Variants in GET4 observed in about 807,000 individuals in gnomAD.
GET4 encodes the protein guided entry of tail-anchored proteins factor 4.
In GET4, 20 loss-of-function variants were observed where a neutral mutation model predicts 40.0. That is an observed-to-expected ratio of 0.50 (90% CI 0.35 to 0.73). GET4 has a LOEUF of 0.73. GET4 is among the 30% of genes least tolerant of loss of function. The probability of loss-of-function intolerance (pLI) is 0.01; values close to 1 mark genes in which losing one functional copy is unlikely to be tolerated. For synonymous variants in GET4, 280 were observed against 194.6 expected, an observed-to-expected ratio of 1.44 and a Z score of -3.65; for missense variants, 557 against 454.0, an observed-to-expected ratio of 1.23 and a Z score of -2.06.
chr7:895,919 A>C lies in GET4; in HGVS notation c.*497A>C, dbSNP rs993109958. ...AACACGGGGTCATTCTGCAGTCAGGACGAACCGGTCCCCGTCGCAGACGGA... is the reference window on the plus strand; with the variant it reads ...AACACGGGGTCATTCTGCAGTCAGGCCGAACCGGTCCCCGTCGCAGACGGA... On this transcript the variant is annotated 3_prime_UTR_variant, in exon 9 of 9. Transcript: ENST00000265857. 1.3e-5 allele frequency: 2 copies of C among 152,372 alleles called. No individual in the cohort carries two copies. Among genetic ancestry groups the C allele is most frequent in the Non-Finnish European group, 2.9e-5 (2 of 68,120 alleles). 9.4% of individuals were successfully genotyped at this position (152,372 alleles called of 1,614,324 possible).
intron 4 of GET4, among the ~76,000 whole-genome samples, chr7:888,896 C>T (rs1042089803): frequency 6.6e-6 from 1 of 152,236 alleles, no homozygotes; most frequent in East Asian, 1.9e-4. Flanking sequence ...CGGGAGCTGT[C>T]GTCTGTCTTT....
chr7:894,659 C>T (rs576534702), intron 8 of GET4, among the ~76,000 whole-genome samples: 17 of 152,342 alleles, frequency 1.1e-4, no homozygotes, highest in African/African-American at 3.6e-4. Flanking sequence ...GAAACCGCAG[C>T]CTGAGCTCCC....
At chr7:892,448 G>T (rs759504905) in intron 6 of GET4, 30 bp downstream of exon 6, 17 of 1,580,512 alleles carry the variant, frequency 1.1e-5, no homozygotes, top group Middle Eastern at 4.5e-4. Flanking sequence ...AGGGGGAGGG[G>T]GCTGTGAATG....
intron 1 of GET4, chr7:884,170 A>T: frequency 7.7e-7 from 1 of 1,294,806 alleles, no homozygotes; most frequent in Non-Finnish European, 1.0e-6. Context: ...TCGGCAAAGC[A>T]GAAGCTGGTG....
intron 4 of GET4, among the ~76,000 whole-genome samples, chr7:889,663 T>C (rs916329045): frequency 2.7e-5 from 4 of 146,104 alleles, no homozygotes; most frequent in Non-Finnish European, 4.6e-5. Context: ...TGTGAGCGGG[T>C]GTTAGGACGG....
At chr7:884,756 G>A (rs375355892) in intron 1 of GET4, 4 of 161,542 alleles carry the variant, frequency 2.5e-5, no homozygotes, top group African/African-American at 9.6e-5. Flanking sequence ...CGTTGCTGTG[G>A]CTCTTTATCA....
Position 888,524 on chromosome 7 carries a change from T to C in GET4, c.466+1005T>C, listed in dbSNP as rs142321870. Among the ~76,000 whole-genome samples, 654 of 152,290 alleles carry C rather than the reference T, an allele frequency of 4.3e-3. 2 individuals carry two copies. The highest frequency in any genetic ancestry group is 0.01 in the Middle Eastern group (3 of 294). On this transcript the variant is annotated intron_variant, in intron 4 of 8. Coordinates refer to ENST00000265857, the MANE Select transcript of GET4 (RefSeq NM_015949.3). ...GGGAAGTGAGCAAATCCAAGTAGAA[T>C]TAGGAGGCTCTCCTCAGAGGAGCCT...
At chr7:887,193 G>T in intron 3 of GET4, 177 bp from the exon 4 acceptor site, 1 of 774,972 alleles carries the variant, frequency 1.3e-6, no homozygotes. Flanking sequence ...TGGGGCACAT[G>T]GCGCTGGAAC....
rs554631577 is a variant in GET4, at chr7:891,310, C to T, written c.605+244C>T. On this transcript the variant is annotated intron_variant, in intron 5 of 8. Coordinates refer to ENST00000265857, the MANE Select transcript of GET4 (RefSeq NM_015949.3). The stretch of plus-strand genomic sequence containing the variant: ...ACTGGAGTGCCCTACACACGCCCCT[C>T]GCCTCTCGCCCACTGCCGGGAGGCC... 1.2e-4 allele frequency among the ~76,000 whole-genome samples: 19 copies of T among 152,354 alleles called. No individual in the cohort carries two copies. The South Asian group carries it at 1.4e-3, about 12-fold the overall frequency.
intron 5 of GET4, 29 bp downstream of exon 5, chr7:891,095 G>C: frequency 6.5e-7 from 1 of 1,549,790 alleles, no homozygotes; most frequent in Non-Finnish European, 8.8e-7. Flanking sequence ...TCGGGTCTCG[G>C]CTTCCATTGC....
At chr7:883,325 C>T (rs1236090353) in intron 1 of GET4, 4 of 158,670 alleles carry the variant, frequency 2.5e-5, no homozygotes, top group Admixed American at 6.5e-5. Flanking sequence ...TCATCCTTCA[C>T]GTGTCCCTGA....
Position 892,126 on chromosome 7 carries a change from A to G in GET4, c.606-152A>G, listed in dbSNP as rs1844338050. 10 of 681,714 alleles carry G rather than the reference A, an allele frequency of 1.5e-5. No individual in the cohort carries two copies. The East Asian group carries it at 1.5e-4, about 10-fold the overall frequency. The allele number at this position is 681,714 out of a possible 1,614,324, so 42.2% of individuals were successfully genotyped here. A position where few individuals can be genotyped will look rare whatever the true frequency, so the allele number is the denominator to read the frequency against. On this transcript the variant is annotated intron_variant, in intron 5 of 8. Coordinates refer to ENST00000265857, the MANE Select transcript of GET4 (RefSeq NM_015949.3). ...CCTGGTGTGCCCTGCACATGAGGGA[A>G]GACACGCGTGAAGCACTGGGTCCCT...
intron 1 of GET4, chr7:884,218 G>C: frequency 7.7e-7 from 1 of 1,303,860 alleles, no homozygotes; most frequent in Non-Finnish European, 1.0e-6. Flanking sequence ...GGTTCTGCCC[G>C]TGGCCCCACT....
chr7:890,914 T>C lies in GET4; in HGVS notation c.467-14T>C. 1 of 1,583,148 alleles carries C rather than the reference T, an allele frequency of 6.3e-7. No individual in the cohort carries two copies. Among genetic ancestry groups the C allele is most frequent in the Non-Finnish European group, 8.7e-7 (1 of 1,152,124 alleles). The stretch of plus-strand genomic sequence containing the variant: ...CGTGAAATGTATTTACATTTTTCTG[T>C]CTTTCCTTTGCAGAACAAAACTATT... On this transcript the variant is annotated splice_polypyrimidine_tract_variant and intron_variant, in intron 4 of 8. Coordinates refer to ENST00000265857, the MANE Select transcript of GET4 (RefSeq NM_015949.3).
chr7:876,733 C>A lies in GET4; in HGVS notation c.88C>A (p.Leu30Met). The A allele has an allele frequency of 7.2e-7, 1 of 1,380,320 alleles. No individual in the cohort carries two copies. Among genetic ancestry groups the A allele is most frequent in the South Asian group, 1.5e-5 (1 of 68,166 alleles). The allele number at this position is 1,380,320 out of a possible 1,614,324, so 85.5% of individuals were successfully genotyped here. A position where few individuals can be genotyped will look rare whatever the true frequency, so the allele number is the denominator to read the frequency against. The change falls in exon 1 of 9, where the codon CTG becomes ATG. Residue 30 changes from leucine to methionine, a missense_variant. Physicochemically the swap from Leu to Met is conservative, Grantham distance 15 (BLOSUM62 2). Transcript: ENST00000265857. ...CGGCGTCCAGCGTGTGGAGGGCAAG[C>A]TGCGCGCCAGCGTCGAGAAGGGCGA... ...RGGVQRVEGK[L>M]RASVEKGDYY...
chr7:891,344 T>A (rs1192585393), intron 5 of GET4, among the ~76,000 whole-genome samples: 1 of 152,210 alleles, frequency 6.6e-6, no homozygotes, highest in Non-Finnish European at 1.5e-5. Flanking sequence ...CCCTGTGGTC[T>A]CTGCTGTACT....
Position 887,365 on chromosome 7 carries a change from T to C in GET4, c.317-5T>C. 1.3e-6 allele frequency: 2 copies of C among 1,577,228 alleles called. No homozygotes were observed. Among genetic ancestry groups the C allele is most frequent in the Non-Finnish European group, 1.7e-6 (2 of 1,158,694 alleles). On this transcript the variant is annotated splice_polypyrimidine_tract_variant and splice_region_variant and intron_variant, in intron 3 of 8. Coordinates refer to ENST00000265857, the MANE Select transcript of GET4 (RefSeq NM_015949.3). ...TCCTCTGATGAGGGTCTGTGCTGTT[T>C]GCAGAAAATCTGGCTAAAGTGTTCA...
In GET4 at chr7:878,972, A is replaced by C. The variant is rs563297876; in HGVS notation, c.155+2172A>C. 9.2e-5 allele frequency among the ~76,000 whole-genome samples: 7 copies of C among 75,748 alleles called. No homozygotes were observed. The East Asian group carries it at 3.5e-3, about 38-fold the overall frequency. 49.7% of individuals were successfully genotyped at this position (75,748 alleles called of 152,430 possible). ...CCCTTTGGACAGCCTCCTGCCCCAC[A>C]GACACCCCCCCCCGAGTAGAGTCCC... On this transcript the variant is annotated intron_variant, in intron 1 of 8. Coordinates refer to ENST00000265857, the MANE Select transcript of GET4 (RefSeq NM_015949.3).
chr7:894,105 C>T (rs1583102783), intron 8 of GET4, 134 bp downstream of exon 8: 2 of 586,990 alleles, frequency 3.4e-6, no homozygotes, highest in East Asian at 3.0e-5. Flanking sequence ...TCTCAGTTTA[C>T]TTTTGTTAGT....
Sources: gnomAD v4.1 joint callset for allele counts (sites outside exome capture counted in the v4.1 genomes callset) on GRCh38, gnomAD v4.1.1 for gene constraint, MANE v1.5 for transcripts, NCBI Gene and HGNC (gene_info 2026-07-23, HGNC 2026-07-21) for gene names.